Variants in INF2 observed in about 807,000 individuals in gnomAD.
INF2 encodes inverted formin-2.
A neutral mutation model predicts 123.5 loss-of-function variants in INF2; 43 were observed. That is an observed-to-expected ratio of 0.35 (90% confidence interval 0.27 to 0.45). INF2 has a LOEUF of 0.45. Among genes scored for constraint, INF2 ranks in the 20% least tolerant of loss-of-function variants. The pLI is 1.00. For missense variants in INF2, 1,453 were observed against 1,682.7 expected, an observed-to-expected ratio of 0.86 and a Z score of 2.39; for synonymous variants, 851 against 745.0, an observed-to-expected ratio of 1.14 and a Z score of -2.32.
chr14:104,710,042 C>T, intron 12 of INF2, 46 bp from the exon 13 acceptor site: 1 of 1,454,238 alleles, frequency 6.9e-7, no homozygotes, highest in African/African-American at 1.4e-5. Flanking sequence ...CTGGCAGGGA[C>T]AGGTGGGGGG....
In INF2 at chr14:104,699,704, C is replaced by G. The variant is rs569327879; in HGVS notation, c.-9-1653C>G. The G allele has an allele frequency of 7.2e-6, 4 of 554,810 alleles. No homozygotes were observed. Among genetic ancestry groups the G allele is most frequent in the Non-Finnish European group, 9.2e-6 (4 of 436,732 alleles). The allele number at this position is 554,810 out of a possible 1,614,324, so 34.4% of individuals were successfully genotyped here. On this transcript the variant is annotated intron_variant, in intron 1 of 22. Coordinates refer to ENST00000392634, the MANE Select transcript of INF2 (RefSeq NM_022489.4). The surrounding 1 kb of genome is among the most constrained non-coding windows in gnomAD (Gnocchi z 4.7). ...GCTCTCCGTTCTACAGTGCCCAGACCAGGACCCCCTGCAGGGAGGAGGGGC... is the reference window on the plus strand; with the variant it reads ...GCTCTCCGTTCTACAGTGCCCAGACGAGGACCCCCTGCAGGGAGGAGGGGC...
intron 1 of INF2, among the ~76,000 whole-genome samples, chr14:104,691,479 T>G (rs1439836151): frequency 1.3e-5 from 2 of 152,056 alleles, no homozygotes; most frequent in African/African-American, 4.8e-5. Flanking sequence ...TGCCAGCCCC[T>G]CCCCTACCTC....
chr14:104,689,298 C>T (rs1374144908), upstream of INF2: 5 of 974,412 alleles, frequency 5.1e-6, no homozygotes, highest in African/African-American at 3.5e-5. Context: ...TGTAGGTGGA[C>T]GGGAGGCGGT....
chr14:104,714,740 T>C lies in INF2; in HGVS notation c.3578T>C (p.Phe1193Ser), dbSNP rs1055238945. 6.2e-7 allele frequency: 1 copy of C among 1,602,526 alleles called. No homozygotes were observed. The highest frequency in any genetic ancestry group is 1.7e-5 in the Admixed American group (1 of 59,038). Residue 1193 changes from phenylalanine (F) to serine (S), a missense_variant, in exon 21 of 23, where the codon TTC (phenylalanine) becomes TCC (serine). Transcript: ENST00000392634. ...CTGGACACATCCCTGGACAAGTCCT[T>C]CTCCGAGGATGCGGTGACCGACTCC... ...SALDTSLDKS[F>S]SEDAVTDSSG...
rs182061958 is a variant in INF2, at chr14:104,710,257, C to T, written c.2239+69C>T. 3.0e-3 allele frequency: 3,519 copies of T among 1,156,854 alleles called. 16 individuals are homozygous for T. Among genetic ancestry groups the T allele is most frequent in the Non-Finnish European group, 3.7e-3 (2,986 of 804,816 alleles). 71.7% of individuals were successfully genotyped at this position (1,156,854 alleles called of 1,614,324 possible). On this transcript the variant is annotated intron_variant, in intron 13 of 22. Coordinates refer to ENST00000392634, the MANE Select transcript of INF2 (RefSeq NM_022489.4). The stretch of plus-strand genomic sequence containing the variant: ...TCCGAACCGGGGCGGGAGGGCTGCT[C>T]GGGGCCCCTGCTACTGCCAGTATCA...
chr14:104,689,418 G>C (rs965482808), upstream of INF2, among the ~76,000 whole-genome samples: 20 of 152,266 alleles, frequency 1.3e-4, no homozygotes, highest in Admixed American at 3.3e-4. Context: ...GGGACCGCGA[G>C]GGGGCGGCCA....
At chr14:104,718,252 C>T (rs546439597) in intron 22 of INF2, among the ~76,000 whole-genome samples, 2 of 152,264 alleles carry the variant, frequency 1.3e-5, no homozygotes, top group South Asian at 2.1e-4. Context: ...AGACAAGGGC[C>T]ATCGAGGGCC....
intron 18 of INF2, 79 bp from the exon 19 acceptor site, chr14:104,713,128 C>T (rs901980335): frequency 1.9e-6 from 3 of 1,603,612 alleles, no homozygotes; most frequent in Non-Finnish European, 2.5e-6. Context: ...TGCTGCGGCT[C>T]AGGGAGGGGG....
Position 104,710,925 on chromosome 14 carries a change from C to G in INF2, c.2240-12C>G. ...ACCAAGAGCCCCTCTCCAGCCCTGG[C>G]TGCCCCTGCAGGCCTGCTCACCAGC... On this transcript the variant is annotated splice_polypyrimidine_tract_variant and intron_variant, in intron 13 of 22. Coordinates refer to ENST00000392634, the MANE Select transcript of INF2 (RefSeq NM_022489.4). The G allele has an allele frequency of 6.2e-7, 1 of 1,611,486 alleles. No homozygotes were observed. The highest frequency in any genetic ancestry group is 8.5e-7 in the Non-Finnish European group (1 of 1,179,172).
chr14:104,697,022 G>A (rs1889222528), intron 1 of INF2, among the ~76,000 whole-genome samples: 1 of 152,180 alleles, frequency 6.6e-6, no homozygotes, highest in African/African-American at 2.4e-5. Context: ...TTGGTCCCAG[G>A]CACAGTAGGC....
rs1436685876 is a variant in INF2, at chr14:104,714,624, C to T, written c.3462C>T (p.Asp1154=). ...EADSTSEGLE[D]AVHSRGARPP... is the part of the protein sequence containing the mutation. ...ACAGCACAAGTGAGGGGCTGGAGGA[C>T]GCTGTCCACAGCCGTGGTGCCAGAC... The change falls in exon 21 of 23, where the codon GAC becomes GAT. Residue 1154 remains aspartate, a synonymous_variant. Coordinates refer to ENST00000392634, the MANE Select transcript of INF2 (RefSeq NM_022489.4). 12 of 1,612,338 alleles carry T rather than the reference C, an allele frequency of 7.4e-6. No homozygotes were observed. Among genetic ancestry groups the T allele is most frequent in the East Asian group, 6.7e-5 (3 of 44,874 alleles).
In INF2 at chr14:104,703,282, G is replaced by GC; in HGVS notation, c.508-10dup. The GC allele has an allele frequency of 6.2e-7, 1 of 1,611,106 alleles. No homozygotes were observed. Among genetic ancestry groups the GC allele is most frequent in the Non-Finnish European group, 8.5e-7 (1 of 1,178,362 alleles). On this transcript the variant is annotated splice_polypyrimidine_tract_variant and intron_variant, in intron 3 of 22. Coordinates refer to ENST00000392634, the MANE Select transcript of INF2 (RefSeq NM_022489.4). ...CCCTGCCTGGGTGTGCCCTGACCCC[G>GC]CCCTCCCCACAGACGGTGTGCAGCC... is the stretch of plus-strand genomic sequence containing the variant.
At position 104,707,914 on chromosome 14, in the gene INF2, A is replaced by G. The variant is rs201674759; in HGVS notation, c.1647A>G (p.Ala549=). 6.7e-4 allele frequency: 1,068 copies of G among 1,602,650 alleles called. 13 individuals are homozygous for G. The highest frequency in any genetic ancestry group is 1.2e-4 in the Non-Finnish European group (145 of 1,179,652). Residue 549 remains alanine, a synonymous_variant, in exon 8 of 23, where the codon GCA becomes GCG. Coordinates refer to ENST00000392634, the MANE Select transcript of INF2 (RefSeq NM_022489.4). ...AGGTGGACCATGGCTTGGGCTCAGC[A>G]TGGGTCCCCAGCCATCGGCGGGTGA... ...VAQVDHGLGS[A]WVPSHRRVNP...
In INF2 at chr14:104,708,555, G is replaced by C; in HGVS notation, c.1855G>C (p.Val619Leu). 1 of 1,612,506 alleles carries C rather than the reference G, an allele frequency of 6.2e-7. No homozygotes were observed. The highest frequency in any genetic ancestry group is 8.5e-7 in the Non-Finnish European group (1 of 1,179,822). Residue 619 changes from valine (V) to leucine (L), a missense_variant, in exon 9 of 23, where the codon GTG becomes CTG. By Grantham distance (32) the Val-to-Leu change is conservative. This residue lies in a region of INF2 where 192 missense variants were observed against 274.4 expected (regional missense o/e 0.70). Transcript: ENST00000392634. ...AGCCAAGCCCAAGGAGCCCACCATG[G>C]TGGCCCCCCGGGCCAGGAAGGAGCC... is the stretch of plus-strand genomic sequence containing the variant. ...PAAKPKEPTM[V>L]APRARKEPKE...
At chr14:104,708,238 TG>T in intron 8 of INF2, 197 bp from the exon 9 acceptor site, 1 of 860,496 alleles carries the variant, frequency 1.2e-6, no homozygotes, top group Non-Finnish European at 1.8e-6. Context: ...CCAGTGCATC[TG>T]GGGTGCCATG....
At chr14:104,686,797 A>T (rs560262170), upstream of INF2, among the ~76,000 whole-genome samples, 3 of 152,278 alleles carry the variant, frequency 2.0e-5, no homozygotes, top group Admixed American at 6.5e-5. Context: ...CGGCGCCAAC[A>T]TCAGGCTGGG....
chr14:104,698,758 C>T (rs985168879), intron 1 of INF2, among the ~76,000 whole-genome samples: 104 of 152,296 alleles, frequency 6.8e-4, no homozygotes, highest in African/African-American at 2.5e-3. Context: ...GATCGGGCAG[C>T]CTTGGCAGCA....
intron 16 of INF2, among the ~76,000 whole-genome samples, chr14:104,712,010 C>T (rs1211127952): frequency 1.3e-5 from 2 of 152,148 alleles, no homozygotes; most frequent in Non-Finnish European, 2.9e-5. Context: ...TGAGCAGGCT[C>T]GGGCCTCCCT....
Position 104,707,250 on chromosome 14 carries a change from C to G in INF2, c.986-3C>G. 1 of 1,606,468 alleles carries G rather than the reference C, an allele frequency of 6.2e-7. No individual in the cohort carries two copies. Among genetic ancestry groups the G allele is most frequent in the Non-Finnish European group, 8.5e-7 (1 of 1,176,726 alleles). ...CCTTGACCCTGGACATCCCCTACTGCAGCCCAGGAATGCACCCTGGAGGAA... is the reference window on the plus strand; with the variant it reads ...CCTTGACCCTGGACATCCCCTACTGGAGCCCAGGAATGCACCCTGGAGGAA... On this transcript the variant is annotated splice_polypyrimidine_tract_variant and splice_region_variant and intron_variant, in intron 7 of 22. Transcript: ENST00000392634.
Sources: allele counts gnomAD v4.1 joint callset (sites outside exome capture counted in the v4.1 genomes callset), GRCh38; gene constraint gnomAD v4.1.1; regional missense constraint gnomAD v4.1.1; non-coding constraint Gnocchi (gnomAD v3.1); transcripts MANE v1.5; gene names NCBI Gene and HGNC (gene_info 2026-07-23, HGNC 2026-07-21).